KDM4C: variants seen among roughly 807,000 people sequenced by gnomAD.
KDM4C encodes lysine demethylase 4C, also known as lysine-specific demethylase 4C.
KDM4C carries 81 observed loss-of-function variants against 129.3 expected under a neutral mutation model. That is an observed-to-expected ratio of 0.63 (90% CI 0.52 to 0.75). The LOEUF (loss-of-function observed/expected upper bound fraction) is 0.75, where lower values mean the gene tolerates loss of function less well. Ranked by LOEUF, KDM4C falls within the 30% of genes least tolerant of loss-of-function variation. The pLI, the probability that KDM4C is intolerant of heterozygous loss-of-function variation, is 0.00. For synonymous variants in KDM4C, 573 were observed against 456.1 expected (o/e 1.26, Z -3.26); for missense variants, 1,457 against 1,304.0 (o/e 1.12, Z -1.81).
intron 6 of KDM4C, 57 bp from the exon 7 acceptor site, chr9:6,887,903 A>C: frequency 9.8e-7 from 1 of 1,016,990 alleles, no homozygotes; most frequent in South Asian, 1.3e-5. Flanking sequence ...TAAAAAACCT[A>C]TTTGATATTT....
chr9:6,958,782 C>T (rs1292391350), intron 8 of KDM4C, among the ~76,000 whole-genome samples: 1 of 151,192 alleles, frequency 6.6e-6, no homozygotes, highest in Non-Finnish European at 1.5e-5. Context: ...TCTCCTTCCA[C>T]CTCCGCCTCC....
chr9:6,785,595 C>T (rs1366710061), intron 1 of KDM4C, among the ~76,000 whole-genome samples: 1 of 152,180 alleles, frequency 6.6e-6, no homozygotes, highest in African/African-American at 2.4e-5. Context: ...CCTTGGCCTC[C>T]CAAAGTGCTG....
intron 2 of KDM4C, among the ~76,000 whole-genome samples, chr9:6,801,239 ATTTTTTTTTTTTTTTTT>A (rs59151680): frequency 1.1e-4 from 7 of 65,718 alleles, no homozygotes; most frequent in South Asian, 6.5e-4. Context: ...GAGTAGGGAA[ATTTTTTTTTTTTTTTTT>A]TTTTTTTTTT....
At chr9:7,104,023 C>G (rs1224407639) in intron 18 of KDM4C, 153 bp downstream of exon 18, 1 of 661,684 alleles carries the variant, frequency 1.5e-6, no homozygotes, top group African/African-American at 1.8e-5. Context: ...GGATTGCGCA[C>G]TGTTATTTCC....
intron 1 of KDM4C, among the ~76,000 whole-genome samples, chr9:6,740,478 C>T (rs996611826): frequency 1.3e-5 from 2 of 152,018 alleles, no homozygotes; most frequent in African/African-American, 4.8e-5. Context: ...GCTGGGATTA[C>T]AGGCGTGAGC....
chr9:6,925,987 A>G (rs1822430642), intron 8 of KDM4C, among the ~76,000 whole-genome samples: 1 of 152,160 alleles, frequency 6.6e-6, no homozygotes, highest in African/African-American at 2.4e-5. Flanking sequence ...AGTACCCTGG[A>G]TTCCTCTTCC....
At chr9:6,742,279 G>T (rs1456640735) in intron 1 of KDM4C, among the ~76,000 whole-genome samples, 1 of 152,004 alleles carries the variant, frequency 6.6e-6, no homozygotes. Flanking sequence ...CCCCCAGAGT[G>T]CTGGAATGCA....
intron 1 of KDM4C, among the ~76,000 whole-genome samples, chr9:6,749,592 C>G (rs930957605): frequency 2.0e-5 from 3 of 151,386 alleles, no homozygotes; most frequent in African/African-American, 4.9e-5. Flanking sequence ...TGCTTGAGCC[C>G]AGTAATTCAA....
intron 5 of KDM4C, among the ~76,000 whole-genome samples, chr9:6,878,533 C>A (rs1014241603): frequency 4.6e-5 from 7 of 152,148 alleles, no homozygotes; most frequent in African/African-American, 1.7e-4. Context: ...AACTGAGGAT[C>A]AGAGTAGGAG....
At chr9:7,097,145 C>A (rs1056889924) in intron 17 of KDM4C, among the ~76,000 whole-genome samples, 8 of 152,332 alleles carry the variant, frequency 5.3e-5, no homozygotes, top group African/African-American at 1.7e-4. Flanking sequence ...TCTACTTCTT[C>A]TTAGTGGCTT....
intron 15 of KDM4C, among the ~76,000 whole-genome samples, chr9:7,036,973 A>G (rs1216354720): frequency 1.3e-5 from 2 of 152,182 alleles, no homozygotes; most frequent in Admixed American, 6.5e-5. Flanking sequence ...TTTAAAAGGT[A>G]CTGCAGGACA....
chr9:6,747,534 C>T (rs1300500990), intron 1 of KDM4C, among the ~76,000 whole-genome samples: 2 of 87,812 alleles, frequency 2.3e-5, no homozygotes, highest in Non-Finnish European at 4.0e-5. Flanking sequence ...GATGACAGGG[C>T]GATTCAAAAA....
At chr9:7,069,661 G>GT (rs1435684409) in intron 17 of KDM4C, among the ~76,000 whole-genome samples, 3 of 152,284 alleles carry the variant, frequency 2.0e-5, no homozygotes, top group Admixed American at 1.3e-4. Context: ...AACCAGGAAA[G>GT]TAACATTGAT....
At chr9:6,921,490 C>A (rs913530903) in intron 8 of KDM4C, among the ~76,000 whole-genome samples, 12 of 152,192 alleles carry the variant, frequency 7.9e-5, no homozygotes, top group African/African-American at 2.7e-4. Context: ...ATCACACACC[C>A]AATCAATTCT....
intron 4 of KDM4C, among the ~76,000 whole-genome samples, chr9:6,819,402 G>A (rs1158123651): frequency 6.6e-6 from 1 of 152,164 alleles, no homozygotes; most frequent in Non-Finnish European, 1.5e-5. Flanking sequence ...AAAATCCACT[G>A]GTTTGTAAAC....
intron 8 of KDM4C, among the ~76,000 whole-genome samples, chr9:6,894,167 A>G (rs1418708171): frequency 2.0e-5 from 3 of 152,268 alleles, no homozygotes; most frequent in African/African-American, 7.2e-5. Context: ...TAGGGGAGAC[A>G]ACTCTTAGTT....
intron 17 of KDM4C, among the ~76,000 whole-genome samples, chr9:7,091,386 T>C (rs1373987173): frequency 6.6e-6 from 1 of 152,116 alleles, no homozygotes; most frequent in African/African-American, 2.4e-5. Flanking sequence ...CTTTTTCCAC[T>C]CCACTACTAT....
intron 5 of KDM4C, among the ~76,000 whole-genome samples, chr9:6,859,796 C>T (rs1226163513): frequency 2.1e-5 from 3 of 144,870 alleles, no homozygotes; most frequent in Non-Finnish European, 3.0e-5. Context: ...ACCTGAGATG[C>T]GGAGCTTGTA....
At position 7,068,682 on chromosome 9, in the gene KDM4C, C is replaced by CTCTCTTTTTTTTTTTTTTTTTTTTTTTTT. The variant is rs1491581614; in HGVS notation, c.2424+19483_2424+19484insCTCTTTTTTTTTTTTTTTTTTTTTTTTTT. Among the ~76,000 whole-genome samples the CTCTCTTTTTTTTTTTTTTTTTTTTTTTTT allele has an allele frequency of 2.3e-5, 2 of 88,534 alleles. 1 individual carries two copies. 58.1% of individuals were successfully genotyped at this position (88,534 alleles called of 152,430 possible). Reference sequence around the variant, plus strand: ...CTATTTCATACATGTTTATGATGCCCTTTCTTTTTTTTTTTTTTTTTTTTT... The same window carrying CTCTCTTTTTTTTTTTTTTTTTTTTTTTTT: ...CTATTTCATACATGTTTATGATGCCCTCTCTTTTTTTTTTTTTTTTTTTTTTTTTTTTCTTTTTTTTTTTTTTTTTTTTT... On this transcript the variant is annotated intron_variant, in intron 17 of 21. Transcript: ENST00000381309.
Sources: gnomAD v4.1 joint callset for allele counts (sites outside exome capture counted in the v4.1 genomes callset) on GRCh38, gnomAD v4.1.1 for gene constraint, MANE v1.5 for transcripts, NCBI Gene and HGNC (gene_info 2026-07-23, HGNC 2026-07-21) for gene names.